AMN1: variants seen among roughly 807,000 people sequenced by gnomAD.
The protein encoded by AMN1 is protein AMN1 homolog.
A neutral mutation model predicts 33.0 loss-of-function variants in AMN1; 20 were observed. That is an observed-to-expected ratio of 0.61 (90% CI 0.43 to 0.88). AMN1 has a LOEUF of 0.88. Among genes scored for constraint, AMN1 ranks in the 40% least tolerant of loss-of-function variants. The pLI, the probability that AMN1 is intolerant of heterozygous loss-of-function variation, is 0.00. For synonymous variants in AMN1, 114 were observed against 111.9 expected (o/e 1.02, Z -0.12); for missense variants, 246 against 307.4 (o/e 0.80, Z 1.49).
chr12:31,687,722 A>G lies in AMN1; in HGVS notation c.703+1285T>C, dbSNP rs1938327716. ...AAAAGAATAATTGGAATAATTATTT[A>G]GACTGTAATAAGAAAAATGAGCTGG... On this transcript the variant is annotated intron_variant, in intron 6 of 6. Coordinates refer to ENST00000281471, the MANE Select transcript of AMN1 (RefSeq NM_001113402.2). This position sits in a 1 kb window ranked among gnomAD's most constrained non-coding sequence, Gnocchi z 4.1. Among the ~76,000 whole-genome samples, 1 of 151,956 alleles carries G rather than the reference A, an allele frequency of 6.6e-6. No homozygotes were observed. The highest frequency in any genetic ancestry group is 6.6e-5 in the Admixed American group (1 of 15,248).
intron 6 of AMN1, among the ~76,000 whole-genome samples, chr12:31,681,922 C>T (rs1938033311): frequency 6.6e-6 from 1 of 152,134 alleles, no homozygotes; most frequent in Non-Finnish European, 1.5e-5. Context: ...AGCGATCCAC[C>T]CACCTTGGCC....
chr12:31,710,819 T>C (rs1027885631), intron 1 of AMN1, among the ~76,000 whole-genome samples: 6 of 152,218 alleles, frequency 3.9e-5, no homozygotes, highest in African/African-American at 1.4e-4. Context: ...TCAGATTATT[T>C]TTCAGAAAGT....
chr12:31,729,027 C>T (rs1232062094), upstream of AMN1: 1 of 1,539,510 alleles, frequency 6.5e-7, no homozygotes, highest in Non-Finnish European at 8.8e-7. Context: ...CGTCTGAAGC[C>T]TCTTCCGCGG....
chr12:31,725,099 G>A (rs1302256102), intron 1 of AMN1, among the ~76,000 whole-genome samples: 1 of 152,214 alleles, frequency 6.6e-6, no homozygotes, highest in African/African-American at 2.4e-5. Flanking sequence ...CCACAGTGGC[G>A]AATGGGTAAG....
chr12:31,700,608 T>C (rs1419949995), intron 3 of AMN1, among the ~76,000 whole-genome samples: 1 of 152,144 alleles, frequency 6.6e-6, no homozygotes, highest in Non-Finnish European at 1.5e-5. Context: ...AACTGGTCAT[T>C]TCTTCTTCCA....
In AMN1 at chr12:31,683,852, T is replaced by G. The variant is rs1187189492; in HGVS notation, c.703+5155A>C. ...CTTATTTGAGTACTTGGCAGACTAT[T>G]TCATGAAAATAGAAGAAATGAGGCT... On this transcript the variant is annotated intron_variant, in intron 6 of 6. Coordinates refer to ENST00000281471, the MANE Select transcript of AMN1 (RefSeq NM_001113402.2). This position sits in a 1 kb window ranked among gnomAD's most constrained non-coding sequence, Gnocchi z 4.1. Among the ~76,000 whole-genome samples, 1 of 152,194 alleles carries G rather than the reference T, an allele frequency of 6.6e-6. No individual in the cohort carries two copies. The highest frequency in any genetic ancestry group is 2.4e-5 in the African/African-American group (1 of 41,420).
intron 6 of AMN1, among the ~76,000 whole-genome samples, chr12:31,677,049 AGC>A (rs1937747837): frequency 6.6e-6 from 1 of 151,556 alleles, no homozygotes; most frequent in Non-Finnish European, 1.5e-5. Context: ...CTGTAATCCC[AGC>A]ACTTTGGGAG....
chr12:31,676,227 T>A (rs1371511063), intron 6 of AMN1, among the ~76,000 whole-genome samples: 1 of 151,690 alleles, frequency 6.6e-6, no homozygotes, highest in Non-Finnish European at 1.5e-5. Flanking sequence ...AGGCTTAATA[T>A]TATTAAGATA....
At chr12:31,719,931 T>C (rs972761402) in intron 1 of AMN1, among the ~76,000 whole-genome samples, 6 of 152,206 alleles carry the variant, frequency 3.9e-5, no homozygotes, top group Non-Finnish European at 5.9e-5. Flanking sequence ...ATTCAAGTGG[T>C]TGCATGCGGC....
At chr12:31,680,826 C>T (rs1375474916) in intron 6 of AMN1, among the ~76,000 whole-genome samples, 1 of 152,024 alleles carries the variant, frequency 6.6e-6, no homozygotes, top group East Asian at 1.9e-4. Flanking sequence ...CTTAAATACT[C>T]ATATGTGAGC....
At chr12:31,682,611 G>C (rs1938072877) in intron 6 of AMN1, among the ~76,000 whole-genome samples, 1 of 152,144 alleles carries the variant, frequency 6.6e-6, no homozygotes, top group South Asian at 2.1e-4. Flanking sequence ...AGTAGACGTT[G>C]AGTGTAGTTT....
chr12:31,721,459 A>T (rs1296391244), intron 1 of AMN1, among the ~76,000 whole-genome samples: 1 of 152,186 alleles, frequency 6.6e-6, no homozygotes. Flanking sequence ...GGTGAACAGC[A>T]GTCTCCTGTT....
upstream of AMN1, chr12:31,729,140 G>A: frequency 9.6e-7 from 1 of 1,044,302 alleles, no homozygotes; most frequent in South Asian, 1.7e-5. Flanking sequence ...CGGTGACCGG[G>A]GCGTGGCCAC....
In AMN1 at chr12:31,693,476, C is replaced by T. The variant is rs59956729; in HGVS notation, c.591+3885G>A. Among the ~76,000 whole-genome samples, 1,274 of 151,966 alleles carry T rather than the reference C, an allele frequency of 8.4e-3. 18 individuals are homozygous for T. Among genetic ancestry groups the T allele is most frequent in the African/African-American group, 0.029 (1,202 of 41,456 alleles). On this transcript the variant is annotated intron_variant, in intron 5 of 6. Transcript: ENST00000281471. ...TCCCAGCTTCATGTGATCCACCTGC[C>T]TCGGCCTCCCAAAGTGCTGGGATTA...
chr12:31,698,110 A>G (rs7974038), intron 3 of AMN1, among the ~76,000 whole-genome samples, 153 bp from the exon 4 acceptor site: 150,078 of 152,356 alleles, frequency 0.99, 73,968 homozygotes, highest in Middle Eastern at 1. Flanking sequence ...TTCCAGTGAT[A>G]CTGTCATTAT....
At chr12:31,697,467 T>C (rs146226968) in intron 4 of AMN1, 50 bp from the exon 5 acceptor site, 1 of 1,561,892 alleles carries the variant, frequency 6.4e-7, no homozygotes, top group Non-Finnish European at 8.8e-7. Context: ...ACAACGGAAG[T>C]AGAATTTTCC....
At chr12:31,678,256 C>G (rs1006726073) in intron 6 of AMN1, among the ~76,000 whole-genome samples, 1 of 152,160 alleles carries the variant, frequency 6.6e-6, no homozygotes, top group Non-Finnish European at 1.5e-5. Context: ...GTATACCTTT[C>G]TGCCTCCCAA....
intron 1 of AMN1, among the ~76,000 whole-genome samples, chr12:31,717,371 A>T (rs1939717293): frequency 1.3e-5 from 2 of 152,206 alleles, no homozygotes; most frequent in African/African-American, 4.8e-5. Flanking sequence ...AGTTGGTTCC[A>T]TGTCTTTGCT....
intron 6 of AMN1, among the ~76,000 whole-genome samples, chr12:31,681,749 G>C (rs1938025124): frequency 6.6e-6 from 1 of 152,062 alleles, no homozygotes; most frequent in African/African-American, 2.4e-5. Flanking sequence ...ATGTTGTGCA[G>C]GCTGATTTCA....
Sources: allele counts gnomAD v4.1 joint callset (sites outside exome capture counted in the v4.1 genomes callset), GRCh38; gene constraint gnomAD v4.1.1; non-coding constraint Gnocchi (gnomAD v3.1); transcripts MANE v1.5; gene names NCBI Gene and HGNC (gene_info 2026-07-23, HGNC 2026-07-21).